Variants in AKAP8 observed in about 807,000 individuals in gnomAD.
The protein encoded by AKAP8 is A-kinase anchor protein 8.
A neutral mutation model predicts 67.5 loss-of-function variants in AKAP8; 24 were observed. The observed-to-expected ratio is 0.36, with a 90% CI of 0.26 to 0.50. The LOEUF (loss-of-function observed/expected upper bound fraction) is 0.50, where lower values mean the gene tolerates loss of function less well. Among genes scored for constraint, AKAP8 ranks in the 20% least tolerant of loss-of-function variants. AKAP8 has a pLI of 0.97. For synonymous variants in AKAP8, 400 were observed against 371.1 expected, an observed-to-expected ratio of 1.08 and a Z score of -0.90; for missense variants, 971 against 955.9, an observed-to-expected ratio of 1.02 and a Z score of -0.21.
At chr19:15,367,668 T>C (rs1164135555) in intron 9 of AKAP8, among the ~76,000 whole-genome samples, 2 of 152,220 alleles carry the variant, frequency 1.3e-5, no homozygotes, top group Non-Finnish European at 2.9e-5. Context: ...AGGCACATGG[T>C]GTGCTCACAA....
intron 13 of AKAP8, among the ~76,000 whole-genome samples, chr19:15,356,504 C>T (rs2048279622): frequency 6.6e-6 from 1 of 152,178 alleles, no homozygotes. Flanking sequence ...TGGCTCACGC[C>T]TGTAATCCCA....
chr19:15,373,370 G>A (rs191741872), intron 4 of AKAP8, 30 bp from the exon 5 acceptor site: 50 of 1,571,142 alleles, frequency 3.2e-5, no homozygotes, highest in Non-Finnish European at 4.1e-5. Flanking sequence ...CATCAGGGGC[G>A]GTCACCCCGA....
intron 13 of AKAP8, among the ~76,000 whole-genome samples, chr19:15,356,850 G>A (rs1271027693): frequency 6.6e-6 from 1 of 151,762 alleles, no homozygotes; most frequent in East Asian, 2.0e-4. Flanking sequence ...CCAGCATGTG[G>A]CCGGGTGCAG....
intron 1 of AKAP8, chr19:15,379,314 G>GC (rs1184617796): frequency 1.4e-5 from 3 of 209,522 alleles, no homozygotes; most frequent in African/African-American, 2.3e-5. Context: ...CTGTAGCTCC[G>GC]CCCCCCTAGC....
chr19:15,363,534 G>A (rs1215667501), intron 9 of AKAP8, among the ~76,000 whole-genome samples: 27 of 150,146 alleles, frequency 1.8e-4, no homozygotes, highest in African/African-American at 5.6e-4. Flanking sequence ...GAGGGAGGTG[G>A]GGGGGTCAGC....
chr19:15,361,733 GA>G lies in AKAP8; in HGVS notation c.1391del (p.Phe464SerfsTer24). On this transcript the variant is annotated frameshift_variant, in exon 11 of 14. Coordinates refer to ENST00000269701, the MANE Select transcript of AKAP8 (RefSeq NM_005858.4). LOFTEE classifies it high-confidence loss of function. ...CATCCTGGGATGACAACTCACCTTT[GA>G]AAGGATCTGGTTTTGGTTTTGCGGT... ...KETAKPKPDP[F>X]KGIGQEHFFK... 1 of 1,611,358 alleles carries G rather than the reference GA, an allele frequency of 6.2e-7. No homozygotes were observed. The highest frequency in any genetic ancestry group is 8.5e-7 in the Non-Finnish European group (1 of 1,177,464).
intron 13 of AKAP8, among the ~76,000 whole-genome samples, chr19:15,356,228 A>G (rs1378490098): frequency 6.6e-6 from 1 of 151,176 alleles, no homozygotes; most frequent in Non-Finnish European, 1.5e-5. Flanking sequence ...GTGAAACCCC[A>G]TCTCTACTAA....
At chr19:15,355,894 G>A (rs180756521) in intron 13 of AKAP8, among the ~76,000 whole-genome samples, 3 of 151,980 alleles carry the variant, frequency 2.0e-5, no homozygotes, top group South Asian at 2.1e-4. Flanking sequence ...GAGCCACCAC[G>A]CCCGGCTAAT....
rs1448251242 is a variant in AKAP8, at chr19:15,357,307, T to C, written c.1623+1660A>G. 2.7e-5 allele frequency among the ~76,000 whole-genome samples: 4 copies of C among 150,728 alleles called. No homozygotes were observed. In the East Asian group the frequency reaches 8.0e-4, roughly 30 times the overall value. On this transcript the variant is annotated intron_variant, in intron 13 of 13. Transcript: ENST00000269701. ...AGCCAGGCATGGTGGTGGGCGCCTG[T>C]AGTCCCAGGTACTCAGGAGGCTGAG... is the stretch of plus-strand genomic sequence containing the variant.
intron 1 of AKAP8, 76 bp from the exon 2 acceptor site, chr19:15,377,090 G>A (rs1485560903): frequency 5.9e-6 from 9 of 1,519,410 alleles, no homozygotes; most frequent in South Asian, 1.2e-5. Flanking sequence ...ACTCCTAAAG[G>A]GATCTCCTTA....
rs974441300 is a variant in AKAP8 at position 15,368,254 on chromosome 19, G to A, written c.1141C>T (p.Arg381Trp). 1.9e-6 allele frequency: 3 copies of A among 1,612,760 alleles called. No homozygotes were observed. The highest frequency in any genetic ancestry group is 1.1e-5 in the South Asian group (1 of 91,088). The change falls in exon 9 of 14, where the codon CGG becomes TGG. Residue 381 changes from arginine to tryptophan, a missense_variant. This residue lies in a region of AKAP8 where 763 missense variants were observed against 745.4 expected (regional missense o/e 1.02). Coordinates refer to ENST00000269701, the MANE Select transcript of AKAP8 (RefSeq NM_005858.4). ...REKQRRRDRT[R>W]DRAADRIQFA... ...CCTCACCTGTCGGCTGCACGGTCCCGCGTCCTGTCTCTTCTCCTTTGCTTT... is the reference window on the plus strand; with the variant it reads ...CCTCACCTGTCGGCTGCACGGTCCCACGTCCTGTCTCTTCTCCTTTGCTTT...
In AKAP8 at chr19:15,373,335, A is replaced by T; in HGVS notation, c.377T>A (p.Phe126Tyr). 6.2e-7 allele frequency: 1 copy of T among 1,604,684 alleles called. No individual in the cohort carries two copies. Residue 126 changes from phenylalanine to tyrosine, a missense_variant, in exon 5 of 14, where the codon TTC becomes TAC. By Grantham distance (22) the Phe-to-Tyr change is conservative (BLOSUM62 3). Coordinates refer to ENST00000269701, the MANE Select transcript of AKAP8 (RefSeq NM_005858.4). Reference sequence around the variant, plus strand: ...ATAGGACTCGAACGGCTGGAAGCGGAAGGAGCTGCAACAGAAGCACAGCCC... The same window carrying T: ...ATAGGACTCGAACGGCTGGAAGCGGTAGGAGCTGCAACAGAAGCACAGCCC... ...GEGIQDRESS[F>Y]RFQPFESYDS...
chr19:15,360,281 A>G (rs549112564), intron 12 of AKAP8, among the ~76,000 whole-genome samples: 60 of 152,330 alleles, frequency 3.9e-4, no homozygotes, highest in Admixed American at 1.5e-3. Context: ...ACCCAGGGCC[A>G]GAAAGTGACA....
intron 7 of AKAP8, among the ~76,000 whole-genome samples, chr19:15,370,738 T>G (rs765970555): frequency 5.4e-5 from 7 of 129,540 alleles, no homozygotes; most frequent in Non-Finnish European, 9.3e-5. Flanking sequence ...TTGAAGCAAA[T>G]CCTCTGCCTC....
chr19:15,364,886 T>A (rs1967044758), intron 9 of AKAP8, among the ~76,000 whole-genome samples: 1 of 152,186 alleles, frequency 6.6e-6, no homozygotes, highest in African/African-American at 2.4e-5. Context: ...CCCAAGTAGC[T>A]GGGATTAGAG....
At position 15,379,757 on chromosome 19, in the gene AKAP8, C is replaced by G. The variant is rs754029347; in HGVS notation, c.-26G>C. 9 of 1,610,470 alleles carry G rather than the reference C, an allele frequency of 5.6e-6. No individual in the cohort carries two copies. Among genetic ancestry groups the G allele is most frequent in the Admixed American group, 5.0e-5 (3 of 59,624 alleles). On this transcript the variant is annotated 5_prime_UTR_variant, in exon 1 of 14. Coordinates refer to ENST00000269701, the MANE Select transcript of AKAP8 (RefSeq NM_005858.4). ...GTCTTCGACGCGGCCCACCAGCAGCCCCGTTTACTAGGCGACCACAGCACG... is the reference window on the plus strand; with the variant it reads ...GTCTTCGACGCGGCCCACCAGCAGCGCCGTTTACTAGGCGACCACAGCACG...
At chr19:15,372,540 C>G (rs530478043) in intron 5 of AKAP8, among the ~76,000 whole-genome samples, 193 bp from the exon 6 acceptor site, 12 of 151,716 alleles carry the variant, frequency 7.9e-5, no homozygotes, top group Admixed American at 2.0e-4. Context: ...AAAGGCCACA[C>G]GTTTCGCGAC....
Position 15,361,745 on chromosome 19 carries a change from T to C in AKAP8, c.1380A>G (p.Lys460=). The change falls in exon 11 of 14, where the codon AAA becomes AAG. Residue 460 remains lysine, a synonymous_variant. Coordinates refer to ENST00000269701, the MANE Select transcript of AKAP8 (RefSeq NM_005858.4). ...ELMEKETAKP[K]PDPFKGIGQE... ...ACAACTCACCTTTGAAAGGATCTGGTTTTGGTTTTGCGGTTTCTTTCTCCA... is the reference window on the plus strand; with the variant it reads ...ACAACTCACCTTTGAAAGGATCTGGCTTTGGTTTTGCGGTTTCTTTCTCCA... The C allele has an allele frequency of 6.2e-7, 1 of 1,612,846 alleles. No homozygotes were observed. The highest frequency in any genetic ancestry group is 8.5e-7 in the Non-Finnish European group (1 of 1,178,864).
chr19:15,365,931 G>A (rs1304676188), intron 9 of AKAP8, among the ~76,000 whole-genome samples: 2 of 151,834 alleles, frequency 1.3e-5, no homozygotes, highest in Admixed American at 6.6e-5. Context: ...GCGGAGGTAG[G>A]AGGATCACTT....
Sources: allele counts gnomAD v4.1 joint callset (sites outside exome capture counted in the v4.1 genomes callset), GRCh38; gene constraint gnomAD v4.1.1; regional missense constraint gnomAD v4.1.1; transcripts MANE v1.5; gene names NCBI Gene and HGNC (gene_info 2026-07-23, HGNC 2026-07-21).